The following ALDH1L2 variants were observed in gnomAD, a reference collection of about 807,000 sequenced individuals.
ALDH1L2 encodes mitochondrial 10-formyltetrahydrofolate dehydrogenase.
ALDH1L2 carries 91 observed loss-of-function variants against 111.0 expected under a neutral mutation model. The ratio of observed to expected loss-of-function variants is 0.82; its 90% CI spans 0.69 to 0.98. The LOEUF (loss-of-function observed/expected upper bound fraction) is 0.98, where lower values mean the gene tolerates loss of function less well. ALDH1L2 is among the 50% of genes least tolerant of loss of function. The probability of loss-of-function intolerance (pLI) is 0.00; values close to 1 mark genes in which losing one functional copy is unlikely to be tolerated. For synonymous variants in ALDH1L2, 374 were observed against 392.6 expected, an observed-to-expected ratio of 0.95 and a Z score of 0.56; for missense variants, 995 against 1,126.8, an observed-to-expected ratio of 0.88 and a Z score of 1.67.
intron 16 of ALDH1L2, 108 bp downstream of exon 16, chr12:105,040,499 G>T (rs1875467725): frequency 3.0e-6 from 3 of 1,006,022 alleles, no homozygotes; most frequent in Non-Finnish European, 3.1e-6. Context: ...ATTGTATTTA[G>T]TTTTAATACA....
chr12:105,069,145 C>T (rs1444800889), intron 3 of ALDH1L2, among the ~76,000 whole-genome samples: 1 of 152,098 alleles, frequency 6.6e-6, no homozygotes, highest in Non-Finnish European at 1.5e-5. Flanking sequence ...TTTAAAAAGG[C>T]ATTAGAGTCT....
chr12:105,046,438 T>C (rs1328430204), intron 15 of ALDH1L2, among the ~76,000 whole-genome samples: 1 of 151,592 alleles, frequency 6.6e-6, no homozygotes, highest in Non-Finnish European at 1.5e-5. Context: ...TTTGCAAGAA[T>C]TGAATTGGTT....
At chr12:105,060,737 T>C in intron 9 of ALDH1L2, 1 of 269,152 alleles carries the variant, frequency 3.7e-6, no homozygotes, top group Non-Finnish European at 7.0e-6. Flanking sequence ...GGCAGGAGAA[T>C]CACTTGAACC....
chr12:105,063,368 C>T (rs908370080), intron 6 of ALDH1L2, among the ~76,000 whole-genome samples: 3 of 151,684 alleles, frequency 2.0e-5, no homozygotes, highest in African/African-American at 4.8e-5. Flanking sequence ...CCCAGCTACT[C>T]GGGAGGCTGA....
chr12:105,034,660 A>G (rs1446888588), intron 18 of ALDH1L2, among the ~76,000 whole-genome samples: 2 of 152,216 alleles, frequency 1.3e-5, no homozygotes, highest in East Asian at 3.8e-4. Flanking sequence ...TGTAACAATA[A>G]AGATGTACCA....
intron 15 of ALDH1L2, among the ~76,000 whole-genome samples, chr12:105,043,244 G>A (rs1351213390): frequency 2.0e-5 from 3 of 152,190 alleles, no homozygotes; most frequent in Non-Finnish European, 4.4e-5. Context: ...GAAGTTTACA[G>A]GCCTGATTAC....
rs1443191245 is a variant in ALDH1L2, at chr12:105,022,003, A to T, written c.*2421T>A. The T allele has an allele frequency of 6.6e-6, 1 of 152,246 alleles. No homozygotes were observed. Among genetic ancestry groups the T allele is most frequent in the Non-Finnish European group, 1.5e-5 (1 of 68,048 alleles). The allele number at this position is 152,246 out of a possible 1,614,324, so 9.4% of individuals were successfully genotyped here. On this transcript the variant is annotated 3_prime_UTR_variant, in exon 23 of 23. Coordinates refer to ENST00000258494, the MANE Select transcript of ALDH1L2 (RefSeq NM_001034173.4). The stretch of plus-strand genomic sequence containing the variant: ...CTGCTTAAAGTGTCCACACCTCCCG[A>T]TTCAGGTGATAATAAGATCACAGCT...
In ALDH1L2 at chr12:105,066,502, G is replaced by A. The variant is rs1240170149; in HGVS notation, c.696+66C>T. 5.6e-6 allele frequency: 8 copies of A among 1,441,022 alleles called. No homozygotes were observed. The African/African-American group carries it at 9.8e-5, about 18-fold the overall frequency. 89.3% of individuals were successfully genotyped at this position (1,441,022 alleles called of 1,614,324 possible). A position where few individuals can be genotyped will look rare whatever the true frequency, so the allele number is the denominator to read the frequency against. On this transcript the variant is annotated intron_variant, in intron 5 of 22. Coordinates refer to ENST00000258494, the MANE Select transcript of ALDH1L2 (RefSeq NM_001034173.4). The stretch of plus-strand genomic sequence containing the variant: ...ACCTTTTGGCAAGATCATAGTATGT[G>A]GGGAACTACTGAAGGGTAGAGGGCC...
chr12:105,062,777 A>G (rs933318020), intron 7 of ALDH1L2, 111 bp downstream of exon 7: 7 of 1,390,354 alleles, frequency 5.0e-6, no homozygotes, highest in Non-Finnish European at 6.7e-6. Flanking sequence ...CAGGGCACTC[A>G]GAGCCAGCTC....
intron 6 of ALDH1L2, among the ~76,000 whole-genome samples, chr12:105,064,421 G>A (rs1877223994): frequency 6.6e-6 from 1 of 152,052 alleles, no homozygotes; most frequent in African/African-American, 2.4e-5. Flanking sequence ...GAAGCATTCT[G>A]GCTTCAGATC....
chr12:105,026,400 T>A, intron 22 of ALDH1L2, 145 bp downstream of exon 22: 1 of 813,760 alleles, frequency 1.2e-6, no homozygotes, highest in South Asian at 1.8e-5. Flanking sequence ...TTTAATATTT[T>A]AAAAAACGAA....
In ALDH1L2 at chr12:105,058,112, C is replaced by T. The variant is rs752890281; in HGVS notation, c.1248G>A (p.Leu416=). The T allele has an allele frequency of 6.2e-7, 1 of 1,613,444 alleles. No homozygotes were observed. Among genetic ancestry groups the T allele is most frequent in the Non-Finnish European group, 8.5e-7 (1 of 1,179,792 alleles). The change falls in exon 10 of 23, where the codon CTG becomes CTA. Residue 416 remains leucine (L), a synonymous_variant. Coordinates refer to ENST00000258494, the MANE Select transcript of ALDH1L2 (RefSeq NM_001034173.4). The part of the protein sequence containing the change: ...EGFIQKVVRK[L]RGEDQEVELV... Reference sequence around the variant, plus strand: ...GCTCCACCTCTTGATCTTCTCCTCTCAGTTTCCTCACGACCTTTTGGATAA... The same window carrying T: ...GCTCCACCTCTTGATCTTCTCCTCTTAGTTTCCTCACGACCTTTTGGATAA...
At chr12:105,060,948 A>C in intron 9 of ALDH1L2, 33 bp downstream of exon 9, 1 of 1,583,156 alleles carries the variant, frequency 6.3e-7, no homozygotes, top group Non-Finnish European at 8.7e-7. Context: ...TAGTGAGGGA[A>C]TCCCTAGTGA....
At position 105,084,374 on chromosome 12, in the gene ALDH1L2, C is replaced by T. The variant is rs1020599662; in HGVS notation, c.48+15G>A. The T allele has an allele frequency of 1.3e-6, 2 of 1,505,106 alleles. No homozygotes were observed. Among genetic ancestry groups the T allele is most frequent in the Non-Finnish European group, 1.8e-6 (2 of 1,133,498 alleles). 93.2% of individuals were successfully genotyped at this position (1,505,106 alleles called of 1,614,324 possible). A position where few individuals can be genotyped will look rare whatever the true frequency, so the allele number is the denominator to read the frequency against. Reference sequence around the variant, plus strand: ...ACAGGGTGACAGCCGGGACGCTCGCCCGGGCCGGACTCACCCGGCCAGTGG... The same window carrying T: ...ACAGGGTGACAGCCGGGACGCTCGCTCGGGCCGGACTCACCCGGCCAGTGG... On this transcript the variant is annotated intron_variant, in intron 1 of 22. Transcript: ENST00000258494.
At chr12:105,030,927 T>C (rs1874663185) in intron 20 of ALDH1L2, among the ~76,000 whole-genome samples, 1 of 152,236 alleles carries the variant, frequency 6.6e-6, no homozygotes, top group Non-Finnish European at 1.5e-5. Context: ...CAAATTCTTC[T>C]ACACATTGTA....
chr12:105,070,838 G>A, intron 2 of ALDH1L2, 34 bp from the exon 3 acceptor site: 3 of 1,547,968 alleles, frequency 1.9e-6, no homozygotes, highest in Non-Finnish European at 2.6e-6. Flanking sequence ...TTTTTTAGAA[G>A]TTAGCCATAA....
At chr12:105,044,100 G>A (rs2136065518) in intron 15 of ALDH1L2, among the ~76,000 whole-genome samples, 1 of 152,230 alleles carries the variant, frequency 6.6e-6, no homozygotes, top group African/African-American at 2.4e-5. Flanking sequence ...TTCATTCTCA[G>A]GATTTAAATT....
At chr12:105,081,582 C>G (rs1425039169) in intron 1 of ALDH1L2, among the ~76,000 whole-genome samples, 2 of 152,206 alleles carry the variant, frequency 1.3e-5, no homozygotes, top group Non-Finnish European at 2.9e-5. Flanking sequence ...GGCTAAATAA[C>G]TCCTACCACA....
At chr12:105,040,811 C>G in intron 15 of ALDH1L2, 117 bp from the exon 16 acceptor site, 1 of 830,168 alleles carries the variant, frequency 1.2e-6, no homozygotes, top group Non-Finnish European at 2.0e-6. Flanking sequence ...TGTACATTGT[C>G]TTATTTTTTT....
Sources: gnomAD v4.1 joint callset for allele counts (sites outside exome capture counted in the v4.1 genomes callset) on GRCh38, gnomAD v4.1.1 for gene constraint, MANE v1.5 for transcripts, NCBI Gene and HGNC (gene_info 2026-07-23, HGNC 2026-07-21) for gene names.